FGD4: variants seen among roughly 807,000 people sequenced by gnomAD.
FGD4 encodes FYVE, RhoGEF and PH domain containing 4, also known as FYVE, RhoGEF and PH domain-containing protein 4.
A neutral mutation model predicts 102.0 loss-of-function variants in FGD4; 42 were observed. That is an observed-to-expected ratio of 0.41 (90% CI 0.32 to 0.53). The LOEUF (loss-of-function observed/expected upper bound fraction) is 0.53, where lower values mean the gene tolerates loss of function less well. FGD4 is among the 20% of genes least tolerant of loss of function. The pLI, the probability that FGD4 is intolerant of heterozygous loss-of-function variation, is 0.21. For missense variants in FGD4, 902 were observed against 1,078.2 expected (o/e 0.84, Z 2.29); for synonymous variants, 380 against 375.7 (o/e 1.01, Z -0.13).
chr12:32,510,422 G>T, intron 1 of FGD4, among the ~76,000 whole-genome samples: 1 of 152,098 alleles, frequency 6.6e-6, no homozygotes, highest in Non-Finnish European at 1.5e-5. Context: ...AGAAATTCTA[G>T]TAATAACACT....
intron 11 of FGD4, among the ~76,000 whole-genome samples, chr12:32,622,766 T>A (rs1949920044): frequency 6.6e-6 from 1 of 152,160 alleles, no homozygotes; most frequent in East Asian, 1.9e-4. Context: ...GCTAATTTTT[T>A]ATTTTTAATA....
At chr12:32,507,221 T>C (rs2077120707) in intron 1 of FGD4, among the ~76,000 whole-genome samples, 1 of 152,060 alleles carries the variant, frequency 6.6e-6, no homozygotes, top group Non-Finnish European at 1.5e-5. Flanking sequence ...AGAATGATGA[T>C]TTCCAATTTC....
At chr12:32,594,925 G>A (rs1168897517) in intron 4 of FGD4, among the ~76,000 whole-genome samples, 1 of 151,920 alleles carries the variant, frequency 6.6e-6, no homozygotes, top group Admixed American at 6.6e-5. Flanking sequence ...CAGCTGCTTG[G>A]GGGGCTGAGG....
intron 5 of FGD4, chr12:32,600,326 A>G: frequency 2.1e-6 from 1 of 482,606 alleles, no homozygotes; most frequent in Non-Finnish European, 3.3e-6. Flanking sequence ...CTGACCTTTT[A>G]GAATTCTAGA....
chr12:32,410,245 G>A (rs1173037883), intron 1 of FGD4, among the ~76,000 whole-genome samples: 4 of 151,840 alleles, frequency 2.6e-5, no homozygotes, highest in Admixed American at 1.3e-4. Context: ...GGAGAATGGC[G>A]TGAACCTGGG....
intron 1 of FGD4, among the ~76,000 whole-genome samples, chr12:32,540,296 C>A (rs1034220655): frequency 1.3e-5 from 2 of 152,096 alleles, no homozygotes; most frequent in Non-Finnish European, 2.9e-5. Context: ...AAAGGAGGAA[C>A]AACTGTTTCA....
intron 1 of FGD4, among the ~76,000 whole-genome samples, chr12:32,497,922 C>T (rs1236146466): frequency 2.6e-5 from 4 of 152,126 alleles, no homozygotes; most frequent in South Asian, 2.1e-4. Flanking sequence ...TTCTTCTTCT[C>T]GACTCAGTGA....
intron 1 of FGD4, among the ~76,000 whole-genome samples, chr12:32,436,663 T>G (rs748396650): frequency 5.9e-5 from 9 of 152,158 alleles, no homozygotes; most frequent in Non-Finnish European, 1.0e-4. Context: ...AATCCTATCG[T>G]TAAAGGTGTC....
At chr12:32,504,704 T>G (rs2047642) in intron 1 of FGD4, among the ~76,000 whole-genome samples, 30,614 of 152,158 alleles carry the variant, frequency 0.2, 5,015 homozygotes, top group African/African-American at 0.45. Context: ...GGTTATTTCA[T>G]GTAAAAGGAT....
chr12:32,522,006 A>C (rs1310256358), intron 1 of FGD4, among the ~76,000 whole-genome samples: 1 of 152,234 alleles, frequency 6.6e-6, no homozygotes, highest in African/African-American at 2.4e-5. Context: ...CAAGCAAATA[A>C]ATTTATAATT....
intron 14 of FGD4, among the ~76,000 whole-genome samples, chr12:32,629,695 G>T (rs186464233): frequency 6.6e-5 from 10 of 151,898 alleles, no homozygotes; most frequent in Non-Finnish European, 1.2e-4. Flanking sequence ...TTACTGTTCA[G>T]TTGTAGCAAA....
intron 1 of FGD4, among the ~76,000 whole-genome samples, chr12:32,559,111 T>C (rs1422247593): frequency 6.6e-6 from 1 of 152,254 alleles, no homozygotes; most frequent in Non-Finnish European, 1.5e-5. Context: ...ACTTCTTGAA[T>C]GAGAGACCAT....
chr12:32,552,195 A>G (rs530228211), intron 1 of FGD4, among the ~76,000 whole-genome samples: 1 of 152,312 alleles, frequency 6.6e-6, no homozygotes, highest in Non-Finnish European at 1.5e-5. Context: ...CACTCTGGTC[A>G]TCCCTGTAGA....
At chr12:32,483,905 C>A (rs755655685) in intron 1 of FGD4, among the ~76,000 whole-genome samples, 1 of 152,150 alleles carries the variant, frequency 6.6e-6, no homozygotes, top group Non-Finnish European at 1.5e-5. Flanking sequence ...CTATACCTTT[C>A]ACTTCATAAA....
chr12:32,621,067 T>TA (rs528571530), intron 11 of FGD4, among the ~76,000 whole-genome samples: 1 of 152,188 alleles, frequency 6.6e-6, no homozygotes, highest in South Asian at 2.1e-4. Context: ...GGTTTTGAAA[T>TA]ACCTGCTTTA....
intron 1 of FGD4, among the ~76,000 whole-genome samples, chr12:32,498,025 C>G (rs1469522519): frequency 6.6e-6 from 1 of 152,134 alleles, no homozygotes; most frequent in Admixed American, 6.5e-5. Context: ...GACTGAAGAG[C>G]ACAGGACCAG....
chr12:32,555,390 G>C (rs183499696), intron 1 of FGD4, among the ~76,000 whole-genome samples: 1 of 152,178 alleles, frequency 6.6e-6, no homozygotes, highest in Admixed American at 6.5e-5. Flanking sequence ...AGACATACTG[G>C]GGAAGATGCT....
At chr12:32,569,394 C>T (rs913571804) in intron 2 of FGD4, among the ~76,000 whole-genome samples, 2 of 152,112 alleles carry the variant, frequency 1.3e-5, no homozygotes, top group African/African-American at 4.8e-5. Flanking sequence ...TTTCTCAGGC[C>T]TCCCTATGCA....
intron 8 of FGD4, among the ~76,000 whole-genome samples, chr12:32,609,927 C>G (rs1949038510): frequency 6.6e-6 from 1 of 152,148 alleles, no homozygotes; most frequent in South Asian, 2.1e-4. Flanking sequence ...AGCACTTCAC[C>G]AGCAGCCTCT....
Sources: gnomAD v4.1 joint callset for allele counts (sites outside exome capture counted in the v4.1 genomes callset) on GRCh38, gnomAD v4.1.1 for gene constraint, MANE v1.5 for transcripts, NCBI Gene and HGNC (gene_info 2026-07-23, HGNC 2026-07-21) for gene names.